The following CADM2 variants were observed in gnomAD, a reference collection of about 807,000 sequenced individuals.
CADM2 encodes immunoglobulin superfamily member 4D.
A neutral mutation model predicts 49.8 loss-of-function variants in CADM2; 12 were observed. That is an observed-to-expected ratio of 0.24 (90% CI 0.15 to 0.39). The LOEUF is 0.39. Ranked by LOEUF, CADM2 falls within the 10% of genes least tolerant of loss-of-function variation. The pLI, the probability that CADM2 is intolerant of heterozygous loss-of-function variation, is 1.00. For synonymous variants in CADM2, 214 were observed against 175.4 expected, an observed-to-expected ratio of 1.22 and a Z score of -1.74; for missense variants, 378 against 492.3, an observed-to-expected ratio of 0.77 and a Z score of 2.20.
intron 2 of CADM2, among the ~76,000 whole-genome samples, chr3:85,729,414 C>T (rs2067841820): frequency 6.6e-6 from 1 of 152,102 alleles, no homozygotes; most frequent in African/African-American, 2.4e-5. Context: ...ACCTGTCTCA[C>T]TATTGTTGCC....
chr3:85,046,320 CT>C (rs924286569), intron 1 of CADM2, among the ~76,000 whole-genome samples: 1,840 of 122,822 alleles, frequency 0.015, 26 homozygotes, highest in African/African-American at 0.045. Flanking sequence ...TTACAATTTT[CT>C]TTTTTTTTTT....
intron 1 of CADM2, among the ~76,000 whole-genome samples, chr3:85,033,680 A>G (rs2035084811): frequency 6.6e-6 from 1 of 152,216 alleles, no homozygotes. Context: ...AAGCAAGGGA[A>G]AGAATGACAG....
In CADM2 at chr3:85,218,158, A is replaced by T. The variant is rs569779733; in HGVS notation, c.61+258490A>T. 1.9e-3 allele frequency among the ~76,000 whole-genome samples: 281 copies of T among 151,692 alleles called. 8 individuals carry two copies. The South Asian group carries it at 0.051, about 27-fold the overall frequency. ...TGTGTAAAATACAGAGTCTTTTTTT[A>T]AAAAAAATTATAAAAGTGGAAATTG... On this transcript the variant is annotated intron_variant, in intron 1 of 9. Coordinates refer to ENST00000383699, the MANE Select transcript of CADM2 (RefSeq NM_001167675.2).
At chr3:85,204,773 A>G (rs2041592115) in intron 1 of CADM2, among the ~76,000 whole-genome samples, 1 of 152,118 alleles carries the variant, frequency 6.6e-6, no homozygotes, top group Non-Finnish European at 1.5e-5. Context: ...ATATTTTGAC[A>G]GAACAATAAA....
At chr3:85,002,670 T>TATCA (rs2033522261) in intron 1 of CADM2, among the ~76,000 whole-genome samples, 9 of 152,188 alleles carry the variant, frequency 5.9e-5, no homozygotes, top group Admixed American at 5.9e-4. Flanking sequence ...AAAGTGTCAT[T>TATCA]ATCATTTGTT....
At chr3:85,608,647 T>C (rs533665166) in intron 1 of CADM2, among the ~76,000 whole-genome samples, 1 of 152,272 alleles carries the variant, frequency 6.6e-6, no homozygotes, top group Non-Finnish European at 1.5e-5. Flanking sequence ...TTGTAAGTTA[T>C]TATTTAAGAG....
At chr3:85,285,545 G>A (rs913196510) in intron 1 of CADM2, among the ~76,000 whole-genome samples, 14 of 152,006 alleles carry the variant, frequency 9.2e-5, no homozygotes, top group African/African-American at 3.4e-4. Flanking sequence ...ACTTTGAATA[G>A]GGAATTAACT....
intron 1 of CADM2, among the ~76,000 whole-genome samples, chr3:85,419,214 G>C (rs2036052374): frequency 6.6e-6 from 1 of 152,150 alleles, no homozygotes; most frequent in Non-Finnish European, 1.5e-5. Context: ...CCAGCACTTT[G>C]GGAGGCCGAG....
At chr3:85,814,559 C>CA (rs1309716240) in intron 3 of CADM2, among the ~76,000 whole-genome samples, 1 of 151,880 alleles carries the variant, frequency 6.6e-6, no homozygotes, top group Admixed American at 6.6e-5. Context: ...AAAAACCCTT[C>CA]AAAAAATCAA....
intron 3 of CADM2, among the ~76,000 whole-genome samples, chr3:85,830,758 AT>A (rs2074146114): frequency 6.6e-6 from 1 of 150,564 alleles, no homozygotes; most frequent in Admixed American, 6.6e-5. Context: ...ATTTATTTTC[AT>A]TTTTATTTTG....
At chr3:85,689,788 G>A (rs925431082) in intron 1 of CADM2, among the ~76,000 whole-genome samples, 1 of 152,162 alleles carries the variant, frequency 6.6e-6, no homozygotes, top group African/African-American at 2.4e-5. Flanking sequence ...ATTCAGACTA[G>A]ACTTAAAGCA....
intron 1 of CADM2, among the ~76,000 whole-genome samples, chr3:85,178,726 G>A (rs764431307): frequency 2.0e-4 from 31 of 151,692 alleles, no homozygotes; most frequent in South Asian, 6.2e-4. Context: ...GAATATTTAC[G>A]TCGATCCTAT....
intron 1 of CADM2, among the ~76,000 whole-genome samples, chr3:84,986,881 G>A (rs1323556697): frequency 6.6e-6 from 1 of 151,570 alleles, no homozygotes; most frequent in African/African-American, 2.4e-5. Flanking sequence ...GAGAAACCCC[G>A]TCTCTACTAA....
chr3:85,008,139 G>A (rs1190437955), intron 1 of CADM2, among the ~76,000 whole-genome samples: 1 of 152,172 alleles, frequency 6.6e-6, no homozygotes, highest in African/African-American at 2.4e-5. Flanking sequence ...TCTGCAGTTG[G>A]CACCAACTCC....
chr3:85,106,371 G>C (rs1324698881), intron 1 of CADM2, among the ~76,000 whole-genome samples: 1 of 152,170 alleles, frequency 6.6e-6, no homozygotes, highest in Admixed American at 6.6e-5. Flanking sequence ...AGGAGGAACA[G>C]ATTTTGAAGA....
At chr3:85,851,663 T>C (rs1335189751) in intron 3 of CADM2, among the ~76,000 whole-genome samples, 1 of 149,800 alleles carries the variant, frequency 6.7e-6, no homozygotes. Flanking sequence ...GTGTGTATGT[T>C]GGTGTCTCTT....
intron 2 of CADM2, among the ~76,000 whole-genome samples, chr3:85,730,247 G>C (rs1200253721): frequency 6.6e-6 from 1 of 152,018 alleles, no homozygotes. Context: ...TTTGAGATCA[G>C]CCTGGCCAAC....
At position 86,067,117 on chromosome 3, in the gene CADM2, GTT is replaced by G; in HGVS notation, c.*340_*341del. 5.1e-6 allele frequency: 1 copy of G among 197,166 alleles called. No individual in the cohort carries two copies. Among genetic ancestry groups the G allele is most frequent in the Middle Eastern group, 2.1e-3 (1 of 482 alleles). 12.2% of individuals were successfully genotyped at this position (197,166 alleles called of 1,614,324 possible). A position where few individuals can be genotyped will look rare whatever the true frequency, so the allele number is the denominator to read the frequency against. The stretch of plus-strand genomic sequence containing the variant: ...TTATACATTAAAAAATGTATGCAGA[GTT>G]TTTTTCCCCCATTTTTTCCCCTTTA... On this transcript the variant is annotated 3_prime_UTR_variant, in exon 10 of 10. Transcript: ENST00000383699.
chr3:85,542,465 CATAAG>C (rs1359614355), intron 1 of CADM2, among the ~76,000 whole-genome samples: 1 of 152,128 alleles, frequency 6.6e-6, no homozygotes, highest in Non-Finnish European at 1.5e-5. Flanking sequence ...CTTTTCATCT[CATAAG>C]ATAACTTGCA....
Sources: gnomAD v4.1 joint callset for allele counts (sites outside exome capture counted in the v4.1 genomes callset) on GRCh38, gnomAD v4.1.1 for gene constraint, MANE v1.5 for transcripts, NCBI Gene and HGNC (gene_info 2026-07-23, HGNC 2026-07-21) for gene names.